The following WDPCP variants were observed in gnomAD, a reference collection of about 807,000 sequenced individuals.
WDPCP encodes WD repeat-containing and planar cell polarity effector protein fritz homolog.
In WDPCP, 71 loss-of-function variants were observed where a neutral mutation model predicts 93.1. The ratio of observed to expected loss-of-function variants is 0.76; its 90% CI spans 0.63 to 0.93. The LOEUF (loss-of-function observed/expected upper bound fraction) is 0.93, where lower values mean the gene tolerates loss of function less well. WDPCP is among the 40% of genes least tolerant of loss of function. The probability of loss-of-function intolerance (pLI) is 0.00; values close to 1 mark genes in which losing one functional copy is unlikely to be tolerated. For synonymous variants in WDPCP, 315 were observed against 315.0 expected (o/e 1.00, Z 0.00); for missense variants, 844 against 887.4 (o/e 0.95, Z 0.62).
intron 1 of WDPCP, among the ~76,000 whole-genome samples, chr2:63,575,325 CAGTATATATGGTATAT>C (rs1177531478): frequency 5.1e-5 from 7 of 137,628 alleles, no homozygotes; most frequent in Non-Finnish European, 1.1e-4. Context: ...CATATATACA[CAGTATATATGGTATAT>C]ACTGTATATG....
chr2:63,566,135 T>A (rs1481735553), intron 1 of WDPCP, among the ~76,000 whole-genome samples: 1 of 152,206 alleles, frequency 6.6e-6, no homozygotes, highest in East Asian at 1.9e-4. Context: ...TGTACCACTC[T>A]GATCTGTTTT....
intron 3 of WDPCP, among the ~76,000 whole-genome samples, chr2:63,616,103 A>ATAT: frequency 6.6e-6 from 1 of 152,196 alleles, no homozygotes; most frequent in African/African-American, 2.4e-5. Flanking sequence ...ACATACTATA[A>ATAT]ATAACACACA....
intron 1 of WDPCP, among the ~76,000 whole-genome samples, chr2:63,821,699 C>T (rs1022896512): frequency 3.9e-5 from 6 of 152,100 alleles, no homozygotes; most frequent in African/African-American, 1.4e-4. Flanking sequence ...ATTGCTGTTT[C>T]CAATGTTTGA....
intron 17 of WDPCP, among the ~76,000 whole-genome samples, chr2:63,151,844 G>A (rs1671908959): frequency 6.6e-6 from 1 of 152,262 alleles, no homozygotes; most frequent in South Asian, 2.1e-4. Context: ...CGTGGAGTGT[G>A]TGGCATTATC....
intron 2 of WDPCP, among the ~76,000 whole-genome samples, chr2:63,801,478 G>C (rs1030491076): frequency 6.6e-6 from 1 of 152,206 alleles, no homozygotes; most frequent in South Asian, 2.1e-4. Flanking sequence ...AGCTCCCACA[G>C]CATGGAAGGT....
chr2:63,318,396 C>G (rs1686823329), intron 12 of WDPCP, among the ~76,000 whole-genome samples: 2 of 152,132 alleles, frequency 1.3e-5, no homozygotes. Flanking sequence ...TACTATTCAA[C>G]CCAGCAATCC....
intron 17 of WDPCP, among the ~76,000 whole-genome samples, chr2:63,139,008 G>C (rs1670851080): frequency 6.6e-6 from 1 of 152,048 alleles, no homozygotes; most frequent in Non-Finnish European, 1.5e-5. Context: ...ATCTCATCCA[G>C]ATCACTACAA....
At chr2:63,380,286 A>G (rs989961578) in intron 11 of WDPCP, among the ~76,000 whole-genome samples, 4 of 152,090 alleles carry the variant, frequency 2.6e-5, no homozygotes, top group African/African-American at 9.7e-5. Context: ...ATCAATACTA[A>G]GAAATAATTA....
At chr2:63,131,015 C>T (rs938603600) in intron 17 of WDPCP, among the ~76,000 whole-genome samples, 3 of 152,078 alleles carry the variant, frequency 2.0e-5, no homozygotes, top group African/African-American at 7.2e-5. Flanking sequence ...GGTACCCCTG[C>T]TCTCCTGTGG....
intron 1 of WDPCP, among the ~76,000 whole-genome samples, chr2:63,516,027 A>T (rs1317040412): frequency 6.6e-6 from 1 of 151,944 alleles, no homozygotes; most frequent in Non-Finnish European, 1.5e-5. Flanking sequence ...TTCAAAAAAA[A>T]AAAAAAGATT....
intron 13 of WDPCP, among the ~76,000 whole-genome samples, chr2:63,292,932 C>A (rs1042879777): frequency 6.6e-6 from 1 of 152,198 alleles, no homozygotes; most frequent in Non-Finnish European, 1.5e-5. Flanking sequence ...ACCACCCCAG[C>A]TGTATGGTGG....
Position 63,597,486 on chromosome 2 carries a change from T to C in WDPCP, n.488+53173A>G, listed in dbSNP as rs1021362293. On this transcript the variant is annotated intron_variant and non_coding_transcript_variant, in intron 3 of 4. Coordinates refer to the WDPCP transcript ENST00000467687. ...GGCTCCATGCCAAGAAGGGAAGGCA[T>C]GGAGAGAAAAGATTTACTGAAAGCA... The C allele has an allele frequency of 2.1e-5, 32 of 1,524,834 alleles. No individual in the cohort carries two copies. The Admixed American group carries it at 2.4e-4, about 11-fold the overall frequency. The allele number at this position is 1,524,834 out of a possible 1,614,324, so 94.5% of individuals were successfully genotyped here.
intron 2 of WDPCP, among the ~76,000 whole-genome samples, chr2:63,706,286 C>G (rs994042794): frequency 6.6e-6 from 1 of 152,088 alleles, no homozygotes; most frequent in African/African-American, 2.4e-5. Context: ...GAGCATTTAG[C>G]CCATTTACAT....
At chr2:63,474,419 T>C (rs548122555) in intron 6 of WDPCP, among the ~76,000 whole-genome samples, 1 of 152,244 alleles carries the variant, frequency 6.6e-6, no homozygotes, top group South Asian at 2.1e-4. Context: ...TATGTGAATG[T>C]TTCTCTAGTA....
intron 14 of WDPCP, among the ~76,000 whole-genome samples, chr2:63,238,738 TA>T (rs1679618221): frequency 6.6e-6 from 1 of 152,172 alleles, no homozygotes; most frequent in East Asian, 1.9e-4. Flanking sequence ...TATGTGAAAG[TA>T]AAAAATTTCA....
intron 2 of WDPCP, among the ~76,000 whole-genome samples, chr2:63,756,157 T>C (rs1486516996): frequency 1.3e-5 from 2 of 152,252 alleles, no homozygotes; most frequent in Admixed American, 6.5e-5. Flanking sequence ...GAATTCAGAA[T>C]GTTATTGATT....
At chr2:63,687,987 A>G (rs1330131622) in intron 2 of WDPCP, among the ~76,000 whole-genome samples, 1 of 152,198 alleles carries the variant, frequency 6.6e-6, no homozygotes, top group East Asian at 1.9e-4. Flanking sequence ...ACTTACATAC[A>G]ATGGAGTACT....
At chr2:63,380,415 G>A (rs1692201121) in intron 11 of WDPCP, among the ~76,000 whole-genome samples, 1 of 152,082 alleles carries the variant, frequency 6.6e-6, no homozygotes, top group Admixed American at 6.6e-5. Context: ...AGTGGGCCAT[G>A]CACTAGGCAT....
chr2:63,581,825 G>A (rs1236723547), intron 1 of WDPCP, among the ~76,000 whole-genome samples: 1 of 151,858 alleles, frequency 6.6e-6, no homozygotes, highest in Non-Finnish European at 1.5e-5. Flanking sequence ...CTGGAAACAT[G>A]GCAAAACCCT....
Sources: allele counts gnomAD v4.1 joint callset (sites outside exome capture counted in the v4.1 genomes callset), GRCh38; gene constraint gnomAD v4.1.1; transcripts MANE v1.5; gene names NCBI Gene and HGNC (gene_info 2026-07-23, HGNC 2026-07-21).